AUTS2: variants seen among roughly 807,000 people sequenced by gnomAD.
AUTS2 encodes the protein activator of transcription and developmental regulator AUTS2, also known as autism susceptibility gene 2 protein.
In AUTS2, 17 loss-of-function variants were observed where a neutral mutation model predicts 112.4. That is an observed-to-expected ratio of 0.15 (90% CI 0.10 to 0.23). The LOEUF is 0.23. Ranked by LOEUF, AUTS2 falls within the 10% of genes least tolerant of loss-of-function variation. AUTS2 has a pLI of 1.00. For missense variants in AUTS2, 1,510 were observed against 1,701.6 expected (o/e 0.89, Z 1.98); for synonymous variants, 751 against 702.7 (o/e 1.07, Z -1.09).
At chr7:70,226,258 G>T (rs1811757041) in intron 4 of AUTS2, among the ~76,000 whole-genome samples, 2 of 151,998 alleles carry the variant, frequency 1.3e-5, no homozygotes, top group African/African-American at 4.8e-5. Flanking sequence ...AGCAATCTTG[G>T]CTCACTGCAA....
chr7:70,749,068 C>T (rs566209349), intron 6 of AUTS2, among the ~76,000 whole-genome samples: 35 of 152,214 alleles, frequency 2.3e-4, no homozygotes, highest in African/African-American at 8.2e-4. Context: ...TGCTGGCTTT[C>T]GTGAATATGT....
intron 4 of AUTS2, among the ~76,000 whole-genome samples, chr7:70,210,243 A>G (rs1198361203): frequency 6.6e-6 from 1 of 152,218 alleles, no homozygotes; most frequent in African/African-American, 2.4e-5. Flanking sequence ...CCTTCCTTCT[A>G]AAATGAAAGC....
intron 2 of AUTS2, among the ~76,000 whole-genome samples, chr7:70,010,919 G>C (rs1159893178): frequency 6.6e-6 from 1 of 152,174 alleles, no homozygotes; most frequent in South Asian, 2.1e-4. Context: ...TCAGTGCCCA[G>C]GGTCAAAGCT....
intron 5 of AUTS2, among the ~76,000 whole-genome samples, chr7:70,606,242 T>C (rs888703793): frequency 6.6e-6 from 1 of 152,224 alleles, no homozygotes; most frequent in African/African-American, 2.4e-5. Flanking sequence ...CTGATAGTTA[T>C]GAGGAATTCT....
chr7:70,767,421 C>A (rs1313503737), intron 9 of AUTS2, among the ~76,000 whole-genome samples: 1 of 152,114 alleles, frequency 6.6e-6, no homozygotes, highest in Admixed American at 6.6e-5. Flanking sequence ...TTTTGAAGAT[C>A]CTAAGATTTT....
chr7:70,336,275 C>T (rs1275697649), intron 4 of AUTS2, among the ~76,000 whole-genome samples: 1 of 145,184 alleles, frequency 6.9e-6, no homozygotes, highest in African/African-American at 2.6e-5. Context: ...CAACTTGTCC[C>T]AGCTGCACCC....
At position 70,560,971 on chromosome 7, in the gene AUTS2, G is replaced by T. The variant is rs117009501; in HGVS notation, c.690+125190G>T. ...TTTACTTTTTAGGATGTAAATCATCGTATTGGTCCTTTTTACTTTAGACAA... is the reference window on the plus strand; with the variant it reads ...TTTACTTTTTAGGATGTAAATCATCTTATTGGTCCTTTTTACTTTAGACAA... On this transcript the variant is annotated intron_variant, in intron 5 of 18. Transcript: ENST00000342771. 2.2e-3 allele frequency among the ~76,000 whole-genome samples: 333 copies of T among 152,176 alleles called. 1 individual carries two copies. The highest frequency in any genetic ancestry group is 3.9e-3 in the Non-Finnish European group (265 of 68,016).
chr7:70,649,669 C>T (rs1806386632), intron 5 of AUTS2, among the ~76,000 whole-genome samples: 1 of 152,116 alleles, frequency 6.6e-6, no homozygotes, highest in Non-Finnish European at 1.5e-5. Flanking sequence ...GCCAGGATTA[C>T]AGGTGCCCAC....
At chr7:70,077,189 T>C (rs923470766) in intron 2 of AUTS2, among the ~76,000 whole-genome samples, 2 of 152,002 alleles carry the variant, frequency 1.3e-5, no homozygotes, top group Non-Finnish European at 2.9e-5. Context: ...CTGGCAATAT[T>C]GTAGACATCT....
chr7:70,373,975 T>C (rs949659782), intron 4 of AUTS2, among the ~76,000 whole-genome samples: 4 of 152,206 alleles, frequency 2.6e-5, no homozygotes, highest in Non-Finnish European at 5.9e-5. Flanking sequence ...ATGATTGTAG[T>C]GTGTATGTGT....
intron 2 of AUTS2, among the ~76,000 whole-genome samples, chr7:70,107,594 G>A (rs976380451): frequency 1.1e-4 from 16 of 148,040 alleles, no homozygotes; most frequent in East Asian, 2.0e-4. Flanking sequence ...CGCCCATCTC[G>A]GCCTCCCAAA....
At chr7:70,289,432 T>G (rs1408556393) in intron 4 of AUTS2, among the ~76,000 whole-genome samples, 1 of 152,236 alleles carries the variant, frequency 6.6e-6, no homozygotes, top group East Asian at 1.9e-4. Flanking sequence ...TCGACAGCCT[T>G]CTGTGTGGAA....
chr7:70,231,781 G>GT (rs1172994646), intron 4 of AUTS2, among the ~76,000 whole-genome samples: 18 of 125,080 alleles, frequency 1.4e-4, no homozygotes, highest in African/African-American at 4.2e-4. Flanking sequence ...TGTTTGTTTT[G>GT]TTTTTTTTCT....
chr7:69,972,077 C>T (rs1797871571), intron 2 of AUTS2, among the ~76,000 whole-genome samples: 1 of 152,110 alleles, frequency 6.6e-6, no homozygotes, highest in Non-Finnish European at 1.5e-5. Flanking sequence ...CGTTTACTTG[C>T]GCATTCACCA....
At chr7:70,280,104 A>G (rs1034202385) in intron 4 of AUTS2, among the ~76,000 whole-genome samples, 4 of 152,272 alleles carry the variant, frequency 2.6e-5, no homozygotes, top group African/African-American at 9.6e-5. Context: ...TGTAGTATGT[A>G]TCAGTTGCTT....
chr7:69,964,558 G>T (rs759539520), intron 2 of AUTS2, among the ~76,000 whole-genome samples: 1 of 151,956 alleles, frequency 6.6e-6, no homozygotes, highest in African/African-American at 2.4e-5. Context: ...CTCGGTTTTC[G>T]TGAAGTTTAA....
intron 5 of AUTS2, among the ~76,000 whole-genome samples, chr7:70,481,856 A>G (rs1797801141): frequency 6.6e-6 from 1 of 152,136 alleles, no homozygotes; most frequent in Non-Finnish European, 1.5e-5. Context: ...GTCCTCTTAA[A>G]CGTTGATTGT....
intron 10 of AUTS2, among the ~76,000 whole-genome samples, chr7:70,769,252 G>C (rs1308542214): frequency 2.6e-5 from 4 of 152,304 alleles, no homozygotes; most frequent in African/African-American, 9.6e-5. Context: ...GTTCTGCTCA[G>C]TACCAGAATA....
Position 70,318,559 on chromosome 7 carries a change from T to C in AUTS2, c.661-117193T>C, listed in dbSNP as rs556434984. Among the ~76,000 whole-genome samples, 5 of 152,236 alleles carry C rather than the reference T, an allele frequency of 3.3e-5. No individual in the cohort carries two copies. In the South Asian group the frequency reaches 1.0e-3, roughly 32 times the overall value. On this transcript the variant is annotated intron_variant, in intron 4 of 18. Transcript: ENST00000342771. ...TGTCATATCAGGTTGATTGAATAGATTGGGTAAGTCTTTCAGACATCCTAC... is the reference window on the plus strand; with the variant it reads ...TGTCATATCAGGTTGATTGAATAGACTGGGTAAGTCTTTCAGACATCCTAC...
Sources: gnomAD v4.1 joint callset for allele counts (sites outside exome capture counted in the v4.1 genomes callset) on GRCh38, gnomAD v4.1.1 for gene constraint, MANE v1.5 for transcripts, NCBI Gene and HGNC (gene_info 2026-07-23, HGNC 2026-07-21) for gene names.